The following ARHGAP6 variants were observed in gnomAD, a reference collection of about 807,000 sequenced individuals.
ARHGAP6 encodes the protein Rho GTPase activating protein 6.
Under a neutral mutation model 55.7 loss-of-function variants are expected in ARHGAP6, and 16 were observed. The ratio of observed to expected loss-of-function variants is 0.29; its 90% CI spans 0.19 to 0.44. ARHGAP6 has a LOEUF of 0.44. Among genes scored for constraint, ARHGAP6 ranks in the 20% least tolerant of loss-of-function variants. ARHGAP6 has a pLI of 1.00. For synonymous variants in ARHGAP6, 382 were observed against 360.9 expected, an observed-to-expected ratio of 1.06 and a Z score of -0.66; for missense variants, 698 against 808.9, an observed-to-expected ratio of 0.86 and a Z score of 1.66.
At chrX:11,427,196 T>C (rs2049890019) in intron 1 of ARHGAP6, among the ~76,000 whole-genome samples, 2 of 111,196 alleles carry the variant, frequency 1.8e-5, no homozygotes, top group African/African-American at 6.6e-5. Context: ...TTTCAACATA[T>C]CTGACTGAAG....
chrX:11,241,660 AACTTAT>A (rs1206767142), intron 2 of ARHGAP6, among the ~76,000 whole-genome samples: 1 of 109,689 alleles, frequency 9.1e-6, no homozygotes, highest in African/African-American at 3.3e-5. Context: ...TTTGCTTATT[AACTTAT>A]ACTTAACAGT....
At chrX:11,463,485 C>A (rs1179661642) in intron 1 of ARHGAP6, among the ~76,000 whole-genome samples, 1 of 111,096 alleles carries the variant, frequency 9.0e-6, no homozygotes, top group Non-Finnish European at 1.9e-5. Context: ...ACTACAGGCA[C>A]TAACCACCAT....
intron 2 of ARHGAP6, among the ~76,000 whole-genome samples, chrX:11,215,231 G>A (rs1290752822): frequency 8.8e-6 from 1 of 113,034 alleles, no homozygotes; most frequent in African/African-American, 3.2e-5. Flanking sequence ...TTGATTGTCC[G>A]AAACAGGTGC....
At chrX:11,632,324 A>T (rs1029893927) in intron 1 of ARHGAP6, among the ~76,000 whole-genome samples, 2 of 112,314 alleles carry the variant, frequency 1.8e-5, no homozygotes, top group African/African-American at 6.5e-5. Context: ...GAGTGATGAC[A>T]ATTGGAAAGG....
chrX:11,346,719 A>AAAAGAAAGAAG (rs2048789484), intron 1 of ARHGAP6, among the ~76,000 whole-genome samples: 1 of 92,373 alleles, frequency 1.1e-5, no homozygotes. Context: ...AAGAAGAAAG[A>AAAAGAAAGAAG]AAAGAAAGAA....
chrX:11,174,592 TTTTC>T lies in ARHGAP6; in HGVS notation c.1629+3504_1629+3507del, dbSNP rs796990912. ...TTCCTTCCTTTCTTTCTTTCTTTCT[TTTTC>T]TTTCTTTCTTTCTTTCTTTCTCTTT... On this transcript the variant is annotated intron_variant, in intron 8 of 12. Coordinates refer to ENST00000337414, the MANE Select transcript of ARHGAP6 (RefSeq NM_013427.3). 6.8e-3 allele frequency among the ~76,000 whole-genome samples: 458 copies of T among 67,346 alleles called. 12 individuals carry two copies. The highest frequency in any genetic ancestry group is 0.015 in the African/African-American group (287 of 19,421). The allele number at this position is 67,346 out of a possible 115,157, so 58.5% of individuals were successfully genotyped here.
intron 1 of ARHGAP6, among the ~76,000 whole-genome samples, chrX:11,416,038 C>T (rs1007574342): frequency 1.2e-4 from 13 of 111,866 alleles, no homozygotes; most frequent in Non-Finnish European, 2.1e-4. Flanking sequence ...AGGTAAAGTA[C>T]GATTTTGTGT....
chrX:11,446,966 C>T (rs931867894), intron 1 of ARHGAP6, among the ~76,000 whole-genome samples: 1 of 111,795 alleles, frequency 8.9e-6, no homozygotes, highest in Non-Finnish European at 1.9e-5. Context: ...AACAGATTTG[C>T]AATCTAATGT....
At chrX:11,148,462 T>G in intron 10 of ARHGAP6, 1 of 167,941 alleles carries the variant, frequency 6.0e-6, no homozygotes, top group Non-Finnish European at 1.2e-5. Context: ...GCATCATGGA[T>G]TGAGGTTGGG....
intron 1 of ARHGAP6, among the ~76,000 whole-genome samples, chrX:11,320,867 T>C (rs1273987061): frequency 2.7e-5 from 3 of 109,860 alleles, no homozygotes; most frequent in Non-Finnish European, 1.9e-5. Context: ...TATGTGTATA[T>C]ATATACACAT....
At chrX:11,647,585 A>C (rs2052543345) in intron 1 of ARHGAP6, among the ~76,000 whole-genome samples, 1 of 112,199 alleles carries the variant, frequency 8.9e-6, no homozygotes, top group African/African-American at 3.2e-5. Flanking sequence ...TAATGAGGTC[A>C]CTGTTATAAG....
At chrX:11,270,859 G>GA (rs200855904) in intron 1 of ARHGAP6, among the ~76,000 whole-genome samples, 1,851 of 112,028 alleles carry the variant, frequency 0.017, 24 homozygotes, top group East Asian at 0.052. Flanking sequence ...TATAGCTGGA[G>GA]AAATACCTTT....
chrX:11,151,364 A>C (rs1312341809), intron 10 of ARHGAP6, among the ~76,000 whole-genome samples: 1 of 109,489 alleles, frequency 9.1e-6, no homozygotes, highest in Admixed American at 9.8e-5. Context: ...CCCCGGGCTC[A>C]GGTGATCCTC....
intron 1 of ARHGAP6, chrX:11,300,689 A>G: frequency 2.0e-6 from 2 of 1,009,510 alleles, no homozygotes; most frequent in East Asian, 3.1e-5. Context: ...ATTTTTGCTT[A>G]TAATCACTTT....
rs562318052 is a variant in ARHGAP6 at position 11,340,813 on chromosome X, T to C, written c.589-86106A>G. Among the ~76,000 whole-genome samples, 60 of 111,957 alleles carry C rather than the reference T, an allele frequency of 5.4e-4. No individual in the cohort carries two copies. The South Asian group carries it at 0.021, about 40-fold the overall frequency. On this transcript the variant is annotated intron_variant, in intron 1 of 12. Transcript: ENST00000337414. ...ACACAGCATTTGCCACAATTTGGAA[T>C]TACTGATTTACTACTGTTCATTATC...
intron 7 of ARHGAP6, 138 bp from the exon 8 acceptor site, chrX:11,178,386 A>G: frequency 1.3e-6 from 1 of 745,472 alleles, no homozygotes. Flanking sequence ...TCATTTGCCC[A>G]TTGCTTTAGC....
chrX:11,351,222 A>T (rs1198972846), intron 1 of ARHGAP6, among the ~76,000 whole-genome samples: 1 of 111,847 alleles, frequency 8.9e-6, no homozygotes, highest in Non-Finnish European at 1.9e-5. Context: ...GAAGCAGGAG[A>T]TCATAATCAG....
At chrX:11,280,283 A>C (rs768339968) in intron 1 of ARHGAP6, among the ~76,000 whole-genome samples, 1 of 111,538 alleles carries the variant, frequency 9.0e-6, no homozygotes, top group Non-Finnish European at 1.9e-5. Context: ...CTCAATCTGG[A>C]GTGGATGGTA....
intron 1 of ARHGAP6, among the ~76,000 whole-genome samples, chrX:11,382,239 T>C (rs776624096): frequency 1.2e-3 from 139 of 111,809 alleles, no homozygotes; most frequent in African/African-American, 4.4e-3. Context: ...GCTTTCTTCA[T>C]TTACTTATTA....
Sources: allele counts gnomAD v4.1 joint callset (sites outside exome capture counted in the v4.1 genomes callset), GRCh38; gene constraint gnomAD v4.1.1; transcripts MANE v1.5; gene names NCBI Gene and HGNC (gene_info 2026-07-23, HGNC 2026-07-21).